SH3D19: variants seen among roughly 807,000 people sequenced by gnomAD.
SH3D19 encodes the protein SH3 domain containing 19, also known as SH3 domain-containing protein 19.
Under a neutral mutation model 112.1 loss-of-function variants are expected in SH3D19, and 58 were observed. That is an observed-to-expected ratio of 0.52 (90% confidence interval 0.42 to 0.64). The LOEUF is 0.64. SH3D19 is among the 30% of genes least tolerant of loss of function. The probability of loss-of-function intolerance (pLI) is 0.00; values close to 1 mark genes in which losing one functional copy is unlikely to be tolerated. For synonymous variants in SH3D19, 391 were observed against 448.5 expected (o/e 0.87, Z 1.62); for missense variants, 1,090 against 1,263.4 (o/e 0.86, Z 2.08).
At chr4:151,167,891 T>C (rs1758369601) in intron 7 of SH3D19, among the ~76,000 whole-genome samples, 2 of 151,842 alleles carry the variant, frequency 1.3e-5, no homozygotes, top group African/African-American at 4.8e-5. Flanking sequence ...GGCTGCCCCG[T>C]CTGGGAAGTG....
At chr4:151,155,390 TA>T (rs1272145112) in intron 9 of SH3D19, among the ~76,000 whole-genome samples, 1 of 152,240 alleles carries the variant, frequency 6.6e-6, no homozygotes, top group African/African-American at 2.4e-5. Context: ...ATTAACTTGA[TA>T]TTGGCTAATT....
intron 8 of SH3D19, among the ~76,000 whole-genome samples, chr4:151,160,366 C>T (rs552120160): frequency 2.0e-5 from 3 of 152,328 alleles, no homozygotes; most frequent in South Asian, 2.1e-4. Flanking sequence ...GGATTACAGG[C>T]GTAAGCCACT....
At chr4:151,279,047 T>C in intron 1 of SH3D19, 1 of 384,352 alleles carries the variant, frequency 2.6e-6, no homozygotes, top group South Asian at 2.2e-5. Flanking sequence ...TGTAGTGTGC[T>C]GTTGTCAGTA....
intron 11 of SH3D19, 41 bp from the exon 12 acceptor site, chr4:151,144,091 A>C (rs762403690): frequency 6.3e-7 from 1 of 1,591,834 alleles, no homozygotes; most frequent in South Asian, 1.1e-5. Flanking sequence ...ATTATTATTT[A>C]ATAAAACATT....
chr4:151,236,583 T>TAAATGCACC (rs1175671597), intron 1 of SH3D19, among the ~76,000 whole-genome samples: 1 of 151,490 alleles, frequency 6.6e-6, no homozygotes, highest in East Asian at 1.9e-4. Flanking sequence ...TAAAGGGTTG[T>TAAATGCACC]AAATGCACCA....
chr4:151,307,625 T>C (rs932043963), intron 1 of SH3D19, among the ~76,000 whole-genome samples: 1 of 152,210 alleles, frequency 6.6e-6, no homozygotes, highest in Non-Finnish European at 1.5e-5. Flanking sequence ...CTGAGGATAG[T>C]TGGGAAGGCC....
intron 1 of SH3D19, among the ~76,000 whole-genome samples, chr4:151,299,511 C>T (rs1460453594): frequency 2.2e-5 from 3 of 134,590 alleles, no homozygotes; most frequent in Admixed American, 9.0e-5. Context: ...ACCTCGGAGG[C>T]GGAGGTTGCG....
intron 17 of SH3D19, 81 bp from the exon 18 acceptor site, chr4:151,128,437 G>A (rs1749902295): frequency 2.5e-6 from 3 of 1,211,836 alleles, no homozygotes; most frequent in Non-Finnish European, 2.2e-6. Context: ...AAGTAGTGGG[G>A]AAAAAAAAAC....
At position 151,279,362 on chromosome 4, in the gene SH3D19, T is replaced by G. The variant is rs531149075; in HGVS notation, c.112+45879A>C. Among the ~76,000 whole-genome samples, 4 of 152,246 alleles carry G rather than the reference T, an allele frequency of 2.6e-5. No homozygotes were observed. In the East Asian group the frequency reaches 7.7e-4, roughly 29 times the overall value. On this transcript the variant is annotated intron_variant, in intron 1 of 19. Transcript: ENST00000604030. ...ACTATCCCTGGTTTAAAAAAAAAAT[T>G]TTAAGTTAAATGATATTCCATGTGT...
intron 1 of SH3D19, among the ~76,000 whole-genome samples, chr4:151,255,472 G>A (rs1771804368): frequency 6.6e-6 from 1 of 151,456 alleles, no homozygotes; most frequent in African/African-American, 2.4e-5. Context: ...ATGTGATGGC[G>A]GCCGGGAAGA....
At position 151,139,763 on chromosome 4, in the gene SH3D19, T is replaced by C. The variant is rs759330248; in HGVS notation, c.2296+12A>G. On this transcript the variant is annotated intron_variant, in intron 13 of 19. Transcript: ENST00000604030. ...TCCTGTGGTTCTCCCACTGCATTAT[T>C]TACATCCTTACCTGCTGGGAAATCA... The C allele has an allele frequency of 8.1e-6, 13 of 1,613,256 alleles. No homozygotes were observed. The South Asian group carries it at 1.4e-4, about 18-fold the overall frequency.
chr4:151,292,799 G>A (rs1406942605), intron 1 of SH3D19, among the ~76,000 whole-genome samples: 1 of 152,128 alleles, frequency 6.6e-6, no homozygotes, highest in Admixed American at 6.6e-5. Flanking sequence ...GTTTCTGAAA[G>A]TTGACTTAAA....
chr4:151,219,850 T>C (rs1767740537), intron 2 of SH3D19, among the ~76,000 whole-genome samples: 1 of 152,248 alleles, frequency 6.6e-6, no homozygotes, highest in African/African-American at 2.4e-5. Flanking sequence ...ATGGTTTGTA[T>C]TTGTTGACCC....
chr4:151,291,300 G>C (rs1375505783), intron 1 of SH3D19: 4 of 1,613,834 alleles, frequency 2.5e-6, no homozygotes, highest in Non-Finnish European at 3.4e-6. Flanking sequence ...CTGACTTCTT[G>C]TTCCCTATTG....
At chr4:151,165,560 G>A in intron 8 of SH3D19, 29 bp downstream of exon 8, 1 of 1,522,858 alleles carries the variant, frequency 6.6e-7, no homozygotes, top group Non-Finnish European at 9.1e-7. Context: ...TCTTGAAGAA[G>A]CTAATAAAGA....
rs987959667 is a variant in SH3D19 at position 151,165,589 on chromosome 4, A to G, written c.1642T>C (p.Cys548Arg). ...VIRIPAKPGK[C>R]LHEDPQSPPP... Reference sequence around the variant, plus strand: ...ATAAAGAAAGCAGAGAAGTGCTTACATTTTCCTGGTTTGGCTGGAATTCGA... The same window carrying G: ...ATAAAGAAAGCAGAGAAGTGCTTACGTTTTCCTGGTTTGGCTGGAATTCGA... Residue 548 changes from cysteine to arginine, a missense_variant and splice_region_variant, in exon 8 of 20, where the codon TGT becomes CGT. By Grantham distance (180) the Cys-to-Arg change is radical. Transcript: ENST00000604030. The G allele has an allele frequency of 1.2e-6, 2 of 1,612,214 alleles. No homozygotes were observed. The highest frequency in any genetic ancestry group is 2.7e-5 in the African/African-American group (2 of 74,872).
rs1316418 is a variant in SH3D19, at chr4:151,238,526, T to C, written c.113-12440A>G. 8.4e-3 allele frequency among the ~76,000 whole-genome samples: 1,280 copies of C among 152,310 alleles called. 18 individuals are homozygous for C. The highest frequency in any genetic ancestry group is 0.029 in the African/African-American group (1,221 of 41,554). ...TTGTGCCACAGAACTCATAAAGTTA[T>C]ACCTTTGTGTAGCTGACCCTGCAAA... is the stretch of plus-strand genomic sequence containing the variant. On this transcript the variant is annotated intron_variant, in intron 1 of 19. Transcript: ENST00000604030.
intron 7 of SH3D19, among the ~76,000 whole-genome samples, chr4:151,167,649 C>G (rs114955256): frequency 2.6e-3 from 403 of 152,302 alleles, no homozygotes; most frequent in Non-Finnish European, 4.0e-3. Context: ...TTTACGGCTT[C>G]CGCCCTGTCT....
intron 1 of SH3D19, among the ~76,000 whole-genome samples, chr4:151,231,456 C>T (rs1769604885): frequency 6.6e-6 from 1 of 152,180 alleles, no homozygotes; most frequent in Non-Finnish European, 1.5e-5. Context: ...ATGAATCCAC[C>T]TCTGCTTTCT....
Sources: gnomAD v4.1 joint callset for allele counts (sites outside exome capture counted in the v4.1 genomes callset) on GRCh38, gnomAD v4.1.1 for gene constraint, MANE v1.5 for transcripts, NCBI Gene and HGNC (gene_info 2026-07-23, HGNC 2026-07-21) for gene names.